Variants in TENM2 observed in about 807,000 individuals in gnomAD.
The protein encoded by TENM2 is teneurin-2.
A neutral mutation model predicts 245.2 loss-of-function variants in TENM2; 52 were observed. The observed-to-expected ratio is 0.21, with a 90% CI of 0.17 to 0.27. The LOEUF is 0.27. TENM2 is among the 10% of genes least tolerant of loss of function. The pLI is 1.00. For missense variants in TENM2, 3,046 were observed against 3,666.8 expected (o/e 0.83, Z 4.37); for synonymous variants, 1,363 against 1,438.9 (o/e 0.95, Z 1.19).
intron 2 of TENM2, among the ~76,000 whole-genome samples, chr5:167,824,198 A>G (rs999287749): frequency 1.3e-5 from 2 of 152,180 alleles, no homozygotes; most frequent in Non-Finnish European, 2.9e-5. Context: ...TTCACTTCAT[A>G]AGGCCTCTTT....
intron 2 of TENM2, among the ~76,000 whole-genome samples, chr5:167,580,609 A>G (rs1442883252): frequency 2.0e-5 from 3 of 152,258 alleles, no homozygotes; most frequent in Non-Finnish European, 4.4e-5. Flanking sequence ...AAACGCTGTT[A>G]CTGCAGAATA....
chr5:167,714,999 C>A (rs1759165484), intron 2 of TENM2, among the ~76,000 whole-genome samples: 1 of 152,178 alleles, frequency 6.6e-6, no homozygotes, highest in Non-Finnish European at 1.5e-5. Flanking sequence ...GGAATACTCT[C>A]TCTTTCTTGT....
intron 12 of TENM2, among the ~76,000 whole-genome samples, chr5:168,127,875 A>G (rs909339284): frequency 5.3e-5 from 8 of 152,130 alleles, no homozygotes; most frequent in African/African-American, 1.9e-4. Context: ...CAGCCAAACT[A>G]CAGTTTGGCC....
intron 2 of TENM2, among the ~76,000 whole-genome samples, chr5:167,561,739 A>C (rs1038364148): frequency 5.9e-5 from 9 of 152,206 alleles, no homozygotes; most frequent in Non-Finnish European, 2.9e-5. Flanking sequence ...CTCATTGTTA[A>C]GAGTAACTTT....
intron 2 of TENM2, among the ~76,000 whole-genome samples, chr5:167,828,324 C>T (rs1015515425): frequency 5.3e-5 from 8 of 152,174 alleles, no homozygotes; most frequent in African/African-American, 9.7e-5. Context: ...ACCCCTTTAT[C>T]TAAACTCTCC....
Position 167,599,746 on chromosome 5 carries a change from A to AT in TENM2, c.502+224279dup, listed in dbSNP as rs1235490784. 5.3e-5 allele frequency among the ~76,000 whole-genome samples: 8 copies of AT among 152,112 alleles called. No homozygotes were observed. In the South Asian group the frequency reaches 8.3e-4, roughly 16 times the overall value. Reference sequence around the variant, plus strand: ...TTGTGTTTAGCACAGAGATTTGGTGATTTTTTAGAAAATTGTTCACTGCTT... The same window carrying AT: ...TTGTGTTTAGCACAGAGATTTGGTGATTTTTTTAGAAAATTGTTCACTGCTT... On this transcript the variant is annotated intron_variant, in intron 2 of 28. Transcript: ENST00000518659.
chr5:167,852,353 T>C lies in TENM2; in HGVS notation c.503-23633T>C, dbSNP rs539619872. 2.0e-5 allele frequency among the ~76,000 whole-genome samples: 3 copies of C among 152,350 alleles called. No homozygotes were observed. The South Asian group carries it at 6.2e-4, about 32-fold the overall frequency. On this transcript the variant is annotated intron_variant, in intron 2 of 28. Transcript: ENST00000518659. ...TAATAGGTTCATGAAGGAAAGGCTT[T>C]TTCTAATCGTTTTCAGTGGTGTTTT...
intron 1 of TENM2, among the ~76,000 whole-genome samples, chr5:167,336,171 T>A (rs892455391): frequency 6.8e-6 from 1 of 147,126 alleles, no homozygotes; most frequent in Non-Finnish European, 1.5e-5. Flanking sequence ...TTCTTTTCAT[T>A]TCTCCTTTTT....
intron 12 of TENM2, among the ~76,000 whole-genome samples, chr5:168,135,350 G>A (rs1472387700): frequency 6.6e-6 from 1 of 152,122 alleles, no homozygotes; most frequent in Non-Finnish European, 1.5e-5. Flanking sequence ...TGCCTAATTG[G>A]GTTCAATCTT....
intron 2 of TENM2, among the ~76,000 whole-genome samples, chr5:167,835,782 T>G (rs1279839057): frequency 6.6e-6 from 1 of 152,164 alleles, no homozygotes; most frequent in Non-Finnish European, 1.5e-5. Context: ...AAGACAATGT[T>G]TTTATGTTTT....
intron 4 of TENM2, among the ~76,000 whole-genome samples, chr5:167,973,894 G>A (rs779252005): frequency 2.0e-5 from 3 of 151,694 alleles, no homozygotes; most frequent in East Asian, 2.0e-4. Context: ...GGCATGTTAC[G>A]GTTAGATTTG....
At chr5:167,626,711 A>G (rs1778528255) in intron 2 of TENM2, among the ~76,000 whole-genome samples, 1 of 152,176 alleles carries the variant, frequency 6.6e-6, no homozygotes, top group African/African-American at 2.4e-5. Flanking sequence ...AAGCACTCGA[A>G]AAGGACAACA....
rs554791122 is a variant in TENM2, at chr5:167,938,207, C to T, written c.713-14381C>T. 106 of 152,296 alleles carry T rather than the reference C, an allele frequency of 7.0e-4. 1 individual carries two copies. Among genetic ancestry groups the T allele is most frequent in the African/African-American group, 2.4e-3 (100 of 41,558 alleles). 9.4% of individuals were successfully genotyped at this position (152,296 alleles called of 1,614,324 possible). A position where few individuals can be genotyped will look rare whatever the true frequency, so the allele number is the denominator to read the frequency against. On this transcript the variant is annotated intron_variant, in intron 3 of 28. Transcript: ENST00000518659. ...ATAATTAACATTCTTGTGAATTGCTCTGTGTGCCATGATGCATCCTTTAAA... is the reference window on the plus strand; with the variant it reads ...ATAATTAACATTCTTGTGAATTGCTTTGTGTGCCATGATGCATCCTTTAAA...
intron 12 of TENM2, among the ~76,000 whole-genome samples, chr5:168,150,218 A>G (rs1215317724): frequency 6.6e-6 from 1 of 152,210 alleles, no homozygotes; most frequent in African/African-American, 2.4e-5. Context: ...CCGGTGCATA[A>G]TAGGTGCTCG....
At chr5:166,998,803 A>G in the TENM2 span, among the ~76,000 whole-genome samples, 2 of 152,286 alleles carry the variant, frequency 1.3e-5, no homozygotes, top group African/African-American at 4.8e-5. Flanking sequence ...CTTTGGGTGC[A>G]GTGTTATATG....
intron 2 of TENM2, among the ~76,000 whole-genome samples, chr5:167,815,419 A>G (rs1766968706): frequency 6.6e-6 from 1 of 152,160 alleles, no homozygotes; most frequent in African/African-American, 2.4e-5. Flanking sequence ...TAAGTGAACC[A>G]AGCACCATTA....
chr5:167,775,047 G>A (rs548166327), intron 2 of TENM2, among the ~76,000 whole-genome samples: 6 of 152,048 alleles, frequency 3.9e-5, no homozygotes, highest in African/African-American at 1.2e-4. Context: ...TCGGCTCACC[G>A]CAACCTCCAC....
the TENM2 span, among the ~76,000 whole-genome samples, chr5:167,090,506 G>A: frequency 6.6e-6 from 1 of 152,132 alleles, no homozygotes; most frequent in South Asian, 2.1e-4. Flanking sequence ...GCTAGCCCAT[G>A]GTTGTTAACT....
chr5:167,738,143 C>T lies in TENM2; in HGVS notation c.503-137843C>T, dbSNP rs138936532. On this transcript the variant is annotated intron_variant, in intron 2 of 28. Transcript: ENST00000518659. ...GGCACTCCAGCAAATGCCTGGGTGG[C>T]AGTGGAGTCATAACTCAGAAGACAG... is the stretch of plus-strand genomic sequence containing the variant. 8.5e-5 allele frequency among the ~76,000 whole-genome samples: 13 copies of T among 152,328 alleles called. No individual in the cohort carries two copies. In the East Asian group the frequency reaches 2.5e-3, roughly 29 times the overall value.
Sources: gnomAD v4.1 joint callset for allele counts (sites outside exome capture counted in the v4.1 genomes callset) on GRCh38, gnomAD v4.1.1 for gene constraint, MANE v1.5 for transcripts, NCBI Gene and HGNC (gene_info 2026-07-23, HGNC 2026-07-21) for gene names.